PLEKHA7: variants seen among roughly 807,000 people sequenced by gnomAD.
The protein encoded by PLEKHA7 is pleckstrin homology domain-containing family A member 7.
A neutral mutation model predicts 170.0 loss-of-function variants in PLEKHA7; 104 were observed. The observed-to-expected ratio is 0.61, with a 90% CI of 0.52 to 0.72. The LOEUF (loss-of-function observed/expected upper bound fraction) is 0.72. PLEKHA7 is among the 30% of genes least tolerant of loss of function. PLEKHA7 has a pLI of 0.00. For missense variants in PLEKHA7, 1,615 were observed against 1,671.7 expected (o/e 0.97, Z 0.59); for synonymous variants, 648 against 660.8 (o/e 0.98, Z 0.30).
intron 3 of PLEKHA7, among the ~76,000 whole-genome samples, chr11:17,000,929 C>A (rs1864627433): frequency 6.6e-6 from 1 of 152,206 alleles, no homozygotes; most frequent in African/African-American, 2.4e-5. Context: ...ACTCCTGCAG[C>A]CAAGCTACTA....
chr11:16,892,303 C>T (rs1046478142), intron 3 of PLEKHA7, among the ~76,000 whole-genome samples: 2 of 152,052 alleles, frequency 1.3e-5, no homozygotes, highest in Non-Finnish European at 2.9e-5. Flanking sequence ...GAAAAGAGCA[C>T]CAAGGCCCAG....
chr11:16,872,866 G>A (rs442389), intron 3 of PLEKHA7, among the ~76,000 whole-genome samples: 69,187 of 151,836 alleles, frequency 0.46, 16,426 homozygotes, highest in Non-Finnish European at 0.54. Context: ...CATGTGCTAG[G>A]CACTCCTTTA....
chr11:16,846,857 G>A (rs1455649139), intron 8 of PLEKHA7, among the ~76,000 whole-genome samples: 1 of 152,092 alleles, frequency 6.6e-6, no homozygotes, highest in African/African-American at 2.4e-5. Flanking sequence ...CTACAGAATG[G>A]GACTAGCAGA....
intron 3 of PLEKHA7, among the ~76,000 whole-genome samples, chr11:16,985,606 T>C (rs1046384952): frequency 6.6e-6 from 1 of 152,226 alleles, no homozygotes; most frequent in East Asian, 1.9e-4. Flanking sequence ...GAACCACTTA[T>C]CCATCCGTTC....
rs763333734 is a variant in PLEKHA7 at position 16,829,178 on chromosome 11, TA to T, written c.873-2589del. ...GCATGTTTTAATTAGCTCTGCTAAT[TA>T]AAAAAAAAAAAAATCTGTAGAGACT... On this transcript the variant is annotated intron_variant, in intron 9 of 26. Transcript: ENST00000531066. 9.4e-3 allele frequency among the ~76,000 whole-genome samples: 1,331 copies of T among 141,346 alleles called. 8 individuals are homozygous for T. Among genetic ancestry groups the T allele is most frequent in the East Asian group, 0.021 (104 of 4,876 alleles). The allele number at this position is 141,346 out of a possible 152,430, so 92.7% of individuals were successfully genotyped here. A position where few individuals can be genotyped will look rare whatever the true frequency, so the allele number is the denominator to read the frequency against.
chr11:16,826,812 T>A (rs1035155529), intron 9 of PLEKHA7, among the ~76,000 whole-genome samples: 2 of 152,176 alleles, frequency 1.3e-5, no homozygotes, highest in African/African-American at 4.8e-5. Context: ...ACTTCCAATT[T>A]AGAATAGGAT....
At chr11:16,851,006 G>A (rs932476708) in intron 8 of PLEKHA7, among the ~76,000 whole-genome samples, 185 bp downstream of exon 8, 1 of 152,190 alleles carries the variant, frequency 6.6e-6, no homozygotes, top group African/African-American at 2.4e-5. Context: ...CCAAAGCTTA[G>A]AGTCAAATGA....
At chr11:16,923,886 A>C (rs1590628968) in intron 3 of PLEKHA7, among the ~76,000 whole-genome samples, 2 of 152,178 alleles carry the variant, frequency 1.3e-5, no homozygotes, top group Admixed American at 1.3e-4. Flanking sequence ...CGTTAACAGG[A>C]CTGAAAACTC....
chr11:16,910,714 G>A (rs962153565), intron 3 of PLEKHA7, among the ~76,000 whole-genome samples: 3 of 152,204 alleles, frequency 2.0e-5, no homozygotes, highest in African/African-American at 7.2e-5. Context: ...CTGCTGAACA[G>A]CCTGCAATAT....
intron 3 of PLEKHA7, among the ~76,000 whole-genome samples, chr11:16,956,155 G>A (rs1861688990): frequency 6.6e-6 from 1 of 152,204 alleles, no homozygotes; most frequent in African/African-American, 2.4e-5. Flanking sequence ...AGAGGAGTAT[G>A]TACGTATGTG....
At chr11:16,884,876 CAG>C (rs1029225909) in intron 3 of PLEKHA7, among the ~76,000 whole-genome samples, 2 of 152,242 alleles carry the variant, frequency 1.3e-5, no homozygotes, top group Middle Eastern at 3.4e-3. Context: ...TAAATATAAA[CAG>C]AGTGTTATAA....
intron 5 of PLEKHA7, among the ~76,000 whole-genome samples, chr11:16,855,215 GAA>G (rs534483274): frequency 6.7e-6 from 1 of 149,970 alleles, no homozygotes; most frequent in South Asian, 2.1e-4. Context: ...CTGGGTCACT[GAA>G]AAAAAAAATT....
At chr11:16,912,751 C>T (rs1179723528) in intron 3 of PLEKHA7, among the ~76,000 whole-genome samples, 3 of 152,068 alleles carry the variant, frequency 2.0e-5, no homozygotes, top group African/African-American at 7.2e-5. Context: ...ACTGGGTCCC[C>T]GGGAGGCTTC....
At chr11:16,888,189 C>T in intron 3 of PLEKHA7, among the ~76,000 whole-genome samples, 1 of 141,342 alleles carries the variant, frequency 7.1e-6, no homozygotes, top group East Asian at 2.0e-4. Flanking sequence ...TGAGGAGCCC[C>T]TCTGCCCAGC....
In PLEKHA7 at chr11:16,827,840, A is replaced by AAC. The variant is rs547548627; in HGVS notation, c.873-1251_873-1250insGT. Among the ~76,000 whole-genome samples the AAC allele has an allele frequency of 9.7e-4, 147 of 151,898 alleles. 1 individual carries two copies. Among genetic ancestry groups the AAC allele is most frequent in the Non-Finnish European group, 1.8e-3 (119 of 67,916 alleles). On this transcript the variant is annotated intron_variant, in intron 9 of 26. Coordinates refer to ENST00000531066, the MANE Select transcript of PLEKHA7 (RefSeq NM_001329630.2). ...CTATACTCCATGGTTAAAAAAAAAAAAAAAAAGGTCCTAGCCTTAAGATCC... is the reference window on the plus strand; with the variant it reads ...CTATACTCCATGGTTAAAAAAAAAAAACAAAAAAGGTCCTAGCCTTAAGATCC...
At chr11:16,837,763 T>G (rs1851628309) in intron 9 of PLEKHA7, among the ~76,000 whole-genome samples, 1 of 152,236 alleles carries the variant, frequency 6.6e-6, no homozygotes, top group Non-Finnish European at 1.5e-5. Flanking sequence ...ATTCTCCAGC[T>G]TCTGGGTTTA....
intron 3 of PLEKHA7, among the ~76,000 whole-genome samples, chr11:16,934,239 A>G (rs1032038315): frequency 6.6e-5 from 10 of 152,170 alleles, no homozygotes; most frequent in African/African-American, 2.4e-4. Context: ...CCTGAGTGCC[A>G]TGATAATGAA....
At chr11:16,895,189 A>G (rs1290924517) in intron 3 of PLEKHA7, among the ~76,000 whole-genome samples, 1 of 152,146 alleles carries the variant, frequency 6.6e-6, no homozygotes, top group Non-Finnish European at 1.5e-5. Context: ...AAGCTATCTT[A>G]TTAGGGGCCT....
chr11:16,849,263 C>T (rs540363836), intron 8 of PLEKHA7, among the ~76,000 whole-genome samples: 8 of 152,138 alleles, frequency 5.3e-5, no homozygotes. Flanking sequence ...ACTTTCACAC[C>T]TCCAATGAAG....
Sources: gnomAD v4.1 joint callset for allele counts (sites outside exome capture counted in the v4.1 genomes callset) on GRCh38, gnomAD v4.1.1 for gene constraint, MANE v1.5 for transcripts, NCBI Gene and HGNC (gene_info 2026-07-23, HGNC 2026-07-21) for gene names.